Variants in LAX1 observed in about 807,000 individuals in gnomAD.
LAX1 encodes the protein lymphocyte transmembrane adaptor 1, also known as lymphocyte transmembrane adapter 1.
A neutral mutation model predicts 20.7 loss-of-function variants in LAX1; 17 were observed. The observed-to-expected ratio is 0.82, with a 90% CI of 0.56 to 1.23. The LOEUF (loss-of-function observed/expected upper bound fraction) is 1.23, where lower values mean the gene tolerates loss of function less well. LAX1 is among the 50% of genes most tolerant of loss of function. The pLI, the probability that LAX1 is intolerant of heterozygous loss-of-function variation, is 0.00. For missense variants in LAX1, 470 were observed against 487.0 expected (o/e 0.97, Z 0.33); for synonymous variants, 165 against 181.0 (o/e 0.91, Z 0.71).
rs1667473826 is a variant in LAX1, at chr1:203,774,331, C to T, written c.847C>T (p.Gln283Ter). 6.2e-7 allele frequency: 1 copy of T among 1,614,190 alleles called. No individual in the cohort carries two copies. Among genetic ancestry groups the T allele is most frequent in the Non-Finnish European group, 8.5e-7 (1 of 1,180,034 alleles). Residue 283 changes from glutamine to a stop codon, truncating the protein, a stop_gained, in exon 5 of 5, where the codon CAG (glutamine) becomes TAG (stop). Coordinates refer to ENST00000442561, the MANE Select transcript of LAX1 (RefSeq NM_017773.4). LOFTEE classifies it low-confidence loss of function (END_TRUNC). ...GLDLSAIQER[Q>*]LWVAFQCCRD... is the part of the protein sequence containing the mutation. ...GGATCTCAGTGCCATCCAGGAAAGGCAGCTCTGGGTGGCTTTTCAGTGCTG... is the reference window on the plus strand; with the variant it reads ...GGATCTCAGTGCCATCCAGGAAAGGTAGCTCTGGGTGGCTTTTCAGTGCTG...
intron 1 of LAX1, 59 bp downstream of exon 1, chr1:203,765,713 C>G (rs1667293699): frequency 6.6e-7 from 1 of 1,512,200 alleles, no homozygotes; most frequent in African/African-American, 1.4e-5. Flanking sequence ...AGGTCCTAGT[C>G]CACCCTTAGG....
In LAX1 at chr1:203,774,637, G is replaced by T; in HGVS notation, c.1153G>T (p.Asp385Tyr). Residue 385 changes from aspartate (D) to tyrosine (Y), a missense_variant, in exon 5 of 5, where the codon GAC (aspartate) becomes TAC (tyrosine). Asp to Tyr is a radical substitution (Grantham distance 160). Transcript: ENST00000442561. Reference protein sequence around the residue: ...NVLTAKLGGRDSEQGPGTQLL... With the variant: ...NVLTAKLGGRYSEQGPGTQLL... ...GCTAACTGCCAAGTTAGGAGGCAGG[G>T]ACTCTGAGCAGGGGCCTGGCACTCA... 1 of 1,614,196 alleles carries T rather than the reference G, an allele frequency of 6.2e-7. No homozygotes were observed. The highest frequency in any genetic ancestry group is 1.7e-5 in the Admixed American group (1 of 60,016).
chr1:203,769,251 G>A (rs1259968535), intron 1 of LAX1, among the ~76,000 whole-genome samples: 2 of 151,764 alleles, frequency 1.3e-5, no homozygotes, highest in African/African-American at 4.8e-5. Context: ...AATTAGCCGG[G>A]CGTGGTGGCG....
chr1:203,772,272 G>C (rs1243433696), intron 4 of LAX1, 125 bp downstream of exon 4: 1 of 717,322 alleles, frequency 1.4e-6, no homozygotes, highest in East Asian at 2.7e-5. Context: ...TCGCCCTGCA[G>C]TCCTATTAAT....
intron 4 of LAX1, among the ~76,000 whole-genome samples, chr1:203,772,764 T>G (rs1482897358): frequency 6.7e-6 from 1 of 149,290 alleles, no homozygotes; most frequent in Non-Finnish European, 1.5e-5. Flanking sequence ...CAACCTCTGC[T>G]TCCTGGGCTC....
chr1:203,768,171 C>T (rs767411320), intron 1 of LAX1, among the ~76,000 whole-genome samples: 1 of 151,896 alleles, frequency 6.6e-6, no homozygotes, highest in Non-Finnish European at 1.5e-5. Flanking sequence ...ATTAGCCAGG[C>T]GTGGTGGTGC....
At position 203,774,041 on chromosome 1, in the gene LAX1, C is replaced by T. The variant is rs1304349742; in HGVS notation, c.557C>T (p.Ser186Phe). 8 of 1,614,138 alleles carry T rather than the reference C, an allele frequency of 5.0e-6. No homozygotes were observed. Among genetic ancestry groups the T allele is most frequent in the Non-Finnish European group, 6.8e-6 (8 of 1,180,022 alleles). The change falls in exon 5 of 5, where the codon TCT becomes TTT. Residue 186 changes from serine to phenylalanine, a missense_variant. Physicochemically the swap from Ser to Phe is radical, Grantham distance 155 (BLOSUM62 -2). Transcript: ENST00000442561. Reference sequence around the variant, plus strand: ...GCTTCCAGAGACTGCGCAAGCATTTCTTCAGAGGATTCGCATGATTATGTC... The same window carrying T: ...GCTTCCAGAGACTGCGCAAGCATTTTTTCAGAGGATTCGCATGATTATGTC... ...VRASRDCASISSEDSHDYVNV... is the reference protein window; with the variant it reads ...VRASRDCASIFSEDSHDYVNV...
rs115458337 is a variant in LAX1, at chr1:203,774,418, G to A, written c.934G>A (p.Asp312Asn). 2.8e-4 allele frequency: 451 copies of A among 1,614,232 alleles called. 4 individuals are homozygous for A. The African/African-American group carries it at 5.6e-3, about 20-fold the overall frequency. The change falls in exon 5 of 5, where the codon GAT (aspartate) becomes AAT (asparagine). Residue 312 changes from aspartate to asparagine, a missense_variant. Coordinates refer to ENST00000442561, the MANE Select transcript of LAX1 (RefSeq NM_017773.4). ...PSGSQQQAEK[D>N]VPSSNIGHVE... is the part of the protein sequence containing the mutation. Reference sequence around the variant, plus strand: ...TGGAAGCCAGCAGCAGGCTGAGAAAGATGTGCCATCCTCAAACATAGGTCA... The same window carrying A: ...TGGAAGCCAGCAGCAGGCTGAGAAAAATGTGCCATCCTCAAACATAGGTCA...
intron 1 of LAX1, among the ~76,000 whole-genome samples, chr1:203,767,303 C>CT (rs755164305): frequency 0.013 from 1,180 of 90,422 alleles, 83 homozygotes; most frequent in East Asian, 0.084. Context: ...CTCTCCACTT[C>CT]TTTTTTTTTT....
rs11240405 is a variant in LAX1 at position 203,772,424 on chromosome 1, T to A, written c.390+277T>A. 0.021 allele frequency among the ~76,000 whole-genome samples: 3,213 copies of A among 152,010 alleles called. 335 individuals carry two copies. The East Asian group carries it at 0.34, about 16-fold the overall frequency. On this transcript the variant is annotated intron_variant, in intron 4 of 4. Transcript: ENST00000442561. ...TCAGAACTAAAATTGATTGGTATAT[T>A]TTTTTTTCTTTTTTCTTTTTTGAGA... is the stretch of plus-strand genomic sequence containing the variant.
At chr1:203,768,303 C>T (rs1256907637) in intron 1 of LAX1, among the ~76,000 whole-genome samples, 1 of 151,990 alleles carries the variant, frequency 6.6e-6, no homozygotes, top group Non-Finnish European at 1.5e-5. Context: ...AAAAGCGAAA[C>T]TCCATCTCAA....
chr1:203,765,259 T>G lies in LAX1; in HGVS notation c.-307T>G. 8.0e-7 allele frequency: 1 copy of G among 1,256,324 alleles called. No homozygotes were observed. The highest frequency in any genetic ancestry group is 1.1e-6 in the Non-Finnish European group (1 of 879,704). 77.8% of individuals were successfully genotyped at this position (1,256,324 alleles called of 1,614,324 possible). A position where few individuals can be genotyped will look rare whatever the true frequency, so the allele number is the denominator to read the frequency against. On this transcript the variant is annotated 5_prime_UTR_variant, in exon 1 of 5. Transcript: ENST00000442561. ...AGCCTCTTGGCAGTTTCCCCCTCTG[T>G]GCCCCTCACGTTTCCACCAGAAACG... is the stretch of plus-strand genomic sequence containing the variant.
rs770397882 is a variant in LAX1, at chr1:203,765,354, C to T, written c.-212C>T. Reference sequence around the variant, plus strand: ...AGCACCATGTCCGGATGAGATCGCACTTCCTGCAGTGGGCATTAGCCACGT... The same window carrying T: ...AGCACCATGTCCGGATGAGATCGCATTTCCTGCAGTGGGCATTAGCCACGT... On this transcript the variant is annotated 5_prime_UTR_variant, in exon 1 of 5. Transcript: ENST00000442561. 6 of 1,551,628 alleles carry T rather than the reference C, an allele frequency of 3.9e-6. No homozygotes were observed. The highest frequency in any genetic ancestry group is 2.4e-5 in the South Asian group (2 of 84,074).
In LAX1 at chr1:203,770,869, G is replaced by A. The variant is rs751199127; in HGVS notation, c.131G>A (p.Gly44Glu). Residue 44 changes from glycine to glutamate, a missense_variant, in exon 2 of 5, where the codon GGA (glycine) becomes GAA (glutamate). Transcript: ENST00000442561. The part of the protein sequence containing the change: ...QITNIFSGFA[G>E]LLAILLVVAV... ...ACCAACATCTTTTCCGGGTTTGCGG[G>A]ACTCCTCGCCATCCTCCTGGTCGTT... 4 of 1,614,192 alleles carry A rather than the reference G, an allele frequency of 2.5e-6. No homozygotes were observed. The highest frequency in any genetic ancestry group is 3.4e-6 in the Non-Finnish European group (4 of 1,180,038).
chr1:203,765,342 G>T lies in LAX1; in HGVS notation c.-224G>T. ...ACCTCACTTGGAAGCACCATGTCCG[G>T]ATGAGATCGCACTTCCTGCAGTGGG... On this transcript the variant is annotated 5_prime_UTR_variant, in exon 1 of 5. Transcript: ENST00000442561. The T allele has an allele frequency of 6.4e-7, 1 of 1,551,692 alleles. No individual in the cohort carries two copies. The highest frequency in any genetic ancestry group is 8.7e-7 in the Non-Finnish European group (1 of 1,146,998).
chr1:203,770,509 GGA>G (rs1491242504), intron 1 of LAX1, among the ~76,000 whole-genome samples: 1 of 83,466 alleles, frequency 1.2e-5, no homozygotes, highest in African/African-American at 4.6e-5. Flanking sequence ...AAGGAAGGAA[GGA>G]AGAAAGAAAG....
In LAX1 at chr1:203,771,410, TTTGCCACAAACCAGAC is replaced by T; in HGVS notation, c.244_259del (p.Leu82LysfsTer120). The T allele has an allele frequency of 1.2e-6, 2 of 1,614,024 alleles. No homozygotes were observed. The highest frequency in any genetic ancestry group is 1.7e-6 in the Non-Finnish European group (2 of 1,179,914). On this transcript the variant is annotated frameshift_variant, in exon 3 of 5. Transcript: ENST00000442561. LOFTEE classifies it high-confidence loss of function. ...GAGTTACCGTCATGCCCTTGCTGACTTTGCCACAAACCAGACAAAGAGCCAAAAATATTTATGACAT... is the reference window on the plus strand; with the variant it reads ...GAGTTACCGTCATGCCCTTGCTGACTAAAGAGCCAAAAATATTTATGACAT...
In LAX1 at chr1:203,774,339, G is replaced by T. The variant is rs1420346248; in HGVS notation, c.855G>T (p.Trp285Cys). The T allele has an allele frequency of 6.2e-7, 1 of 1,614,180 alleles. No homozygotes were observed. Among genetic ancestry groups the T allele is most frequent in the East Asian group, 2.2e-5 (1 of 44,880 alleles). The change falls in exon 5 of 5, where the codon TGG becomes TGT. Residue 285 changes from tryptophan (W) to cysteine (C), a missense_variant. Physicochemically the swap from Trp to Cys is radical, Grantham distance 215. Transcript: ENST00000442561. Reference sequence around the variant, plus strand: ...GTGCCATCCAGGAAAGGCAGCTCTGGGTGGCTTTTCAGTGCTGCAGAGACT... The same window carrying T: ...GTGCCATCCAGGAAAGGCAGCTCTGTGTGGCTTTTCAGTGCTGCAGAGACT... The part of the protein sequence containing the change: ...DLSAIQERQL[W>C]VAFQCCRDYE...
chr1:203,770,913 T>C lies in LAX1; in HGVS notation c.175T>C (p.Trp59Arg). The C allele has an allele frequency of 6.2e-7, 1 of 1,613,954 alleles. No individual in the cohort carries two copies. Among genetic ancestry groups the C allele is most frequent in the Non-Finnish European group, 8.5e-7 (1 of 1,179,794 alleles). ...LLVVAVFCIL[W>R]NWNKRKKRQV... ...GGTCGTTGCGGTTTTCTGCATCTTG[T>C]GGAATTGGAATAAACGGAAGAAGCG... The change falls in exon 2 of 5, where the codon TGG becomes CGG. Residue 59 changes from tryptophan to arginine, a missense_variant. Transcript: ENST00000442561.
Sources: gnomAD v4.1 joint callset for allele counts (sites outside exome capture counted in the v4.1 genomes callset) on GRCh38, gnomAD v4.1.1 for gene constraint, MANE v1.5 for transcripts, NCBI Gene and HGNC (gene_info 2026-07-23, HGNC 2026-07-21) for gene names.